Variants in GATA4 observed in about 807,000 individuals in gnomAD.
The protein encoded by GATA4 is GATA binding protein 4.
Under a neutral mutation model 37.9 loss-of-function variants are expected in GATA4, and 7 were observed. That is an observed-to-expected ratio of 0.18 (90% CI 0.11 to 0.35). The LOEUF (loss-of-function observed/expected upper bound fraction) is 0.35, where lower values mean the gene tolerates loss of function less well. Among genes scored for constraint, GATA4 ranks in the 10% least tolerant of loss-of-function variants. GATA4 has a pLI of 1.00. For missense variants in GATA4, 647 were observed against 653.0 expected, an observed-to-expected ratio of 0.99 and a Z score of 0.10; for synonymous variants, 372 against 292.6, an observed-to-expected ratio of 1.27 and a Z score of -2.77.
At chr8:11,739,528 C>A (rs960446052) in intron 2 of GATA4, among the ~76,000 whole-genome samples, 1 of 148,604 alleles carries the variant, frequency 6.7e-6, no homozygotes, top group Non-Finnish European at 1.5e-5. Flanking sequence ...TGTACACACA[C>A]ACACACGGAA....
chr8:11,700,115 G>A (rs917855954), upstream of GATA4, among the ~76,000 whole-genome samples: 1 of 152,146 alleles, frequency 6.6e-6, no homozygotes, highest in African/African-American at 2.4e-5. Flanking sequence ...CCTTCCTCTT[G>A]CTAATGATAT....
At position 11,709,847 on chromosome 8, in the gene GATA4, A is replaced by T. The variant is rs1040451654; in HGVS notation, c.616+919A>T. On this transcript the variant is annotated intron_variant, in intron 2 of 6. Transcript: ENST00000532059. This position sits in a 1 kb window ranked among gnomAD's most constrained non-coding sequence, Gnocchi z 4.3. ...GGGATCTGAGAAGGGGCCTGAGTAC[A>T]CGGGCCGGGGGAGAAAGGGAAGTGG... Among the ~76,000 whole-genome samples, 19 of 152,224 alleles carry T rather than the reference A, an allele frequency of 1.2e-4. No individual in the cohort carries two copies. Among genetic ancestry groups the T allele is most frequent in the Non-Finnish European group, 2.9e-5 (2 of 68,002 alleles).
At chr8:11,758,013 G>A (rs964524551) in intron 6 of GATA4, among the ~76,000 whole-genome samples, 1 of 152,192 alleles carries the variant, frequency 6.6e-6, no homozygotes, top group African/African-American at 2.4e-5. Flanking sequence ...AGTGTCTCCT[G>A]TAACCATCAG....
At chr8:11,695,519 A>G (rs540788332) in intron 1 of GATA4, among the ~76,000 whole-genome samples, 2 of 152,346 alleles carry the variant, frequency 1.3e-5, no homozygotes, top group Non-Finnish European at 2.9e-5. Context: ...TAGTCCATTC[A>G]GAAATACAGT....
upstream of GATA4, among the ~76,000 whole-genome samples, chr8:11,690,226 A>C (rs879306232): frequency 6.6e-6 from 1 of 152,208 alleles, no homozygotes; most frequent in African/African-American, 2.4e-5. Context: ...AGTGGAAGAG[A>C]CCATGGCGCC....
chr8:11,732,671 A>G (rs971142527), intron 2 of GATA4, among the ~76,000 whole-genome samples: 5 of 152,204 alleles, frequency 3.3e-5, no homozygotes, highest in Non-Finnish European at 5.9e-5. Context: ...ACGGAATTTG[A>G]GGAGGATGTG....
At position 11,704,846 on chromosome 8, in the gene GATA4, G is replaced by T. The variant is rs549726057; in HGVS notation, c.-458+542G>T. ...GCTGCTGAGTGGCGGAACTATTCAT[G>T]CCCTTTCTGGCCGGCCTCCTCGCCC... On this transcript the variant is annotated intron_variant, in intron 1 of 6. Transcript: ENST00000532059. Among the ~76,000 whole-genome samples the T allele has an allele frequency of 2.0e-5, 3 of 152,370 alleles. No homozygotes were observed. The East Asian group carries it at 5.8e-4, about 29-fold the overall frequency.
At chr8:11,743,967 G>A (rs541141275) in intron 2 of GATA4, among the ~76,000 whole-genome samples, 27 of 152,308 alleles carry the variant, frequency 1.8e-4, no homozygotes, top group Non-Finnish European at 3.4e-4. Flanking sequence ...AATTTATTTT[G>A]TGCTTTTCAT....
rs147849644 is a variant in GATA4, at chr8:11,746,764, C to T, written c.617-2152C>T. Among the ~76,000 whole-genome samples, 580 of 152,344 alleles carry T rather than the reference C, an allele frequency of 3.8e-3. 2 individuals carry two copies. Among genetic ancestry groups the T allele is most frequent in the African/African-American group, 0.013 (538 of 41,588 alleles). ...GGCGGGAGTGGCCGCATCTCATGGG[C>T]GGCTCTGAGGGCAGGCGACCTTGGT... On this transcript the variant is annotated intron_variant, in intron 2 of 6. Transcript: ENST00000532059.
At chr8:11,688,449 C>A (rs115927036), upstream of GATA4, among the ~76,000 whole-genome samples, 318 of 152,250 alleles carry the variant, frequency 2.1e-3, no homozygotes, top group African/African-American at 7.2e-3. Context: ...AAAGGATATT[C>A]CAGCCATCAA....
chr8:11,724,290 T>C (rs978812413), intron 2 of GATA4, among the ~76,000 whole-genome samples: 83 of 152,326 alleles, frequency 5.4e-4, no homozygotes, highest in African/African-American at 1.9e-3. Context: ...TGAACAAATA[T>C]CTATTCACCT....
chr8:11,722,471 C>G (rs531385917), intron 2 of GATA4, among the ~76,000 whole-genome samples: 2 of 152,360 alleles, frequency 1.3e-5, no homozygotes, highest in East Asian at 1.9e-4. Context: ...CCCAGTTTGT[C>G]TAATTGTCTT....
intron 1 of GATA4, among the ~76,000 whole-genome samples, chr8:11,679,220 C>G (rs1010417332): frequency 6.7e-6 from 1 of 149,730 alleles, no homozygotes; most frequent in African/African-American, 2.5e-5. Flanking sequence ...GATAAAAGAG[C>G]GACACAGGAG....
intron 2 of GATA4, among the ~76,000 whole-genome samples, chr8:11,716,436 C>A (rs999363860): frequency 6.6e-6 from 1 of 151,958 alleles, no homozygotes; most frequent in Non-Finnish European, 1.5e-5. Flanking sequence ...TGGGGGTTTT[C>A]CTTTATGCTC....
intron 1 of GATA4, chr8:11,680,657 G>C: frequency 5.1e-6 from 5 of 985,346 alleles, no homozygotes; most frequent in Non-Finnish European, 6.0e-6. Flanking sequence ...AACGTGTCTC[G>C]GGTCGCCCTT....
chr8:11,680,334 G>A (rs1050282108), intron 1 of GATA4, among the ~76,000 whole-genome samples: 1 of 152,230 alleles, frequency 6.6e-6, no homozygotes, highest in African/African-American at 2.4e-5. Context: ...GCGCGACAAC[G>A]GGCCCTGGAG....
chr8:11,738,180 CAA>C (rs35759534), intron 2 of GATA4, among the ~76,000 whole-genome samples: 29 of 82,436 alleles, frequency 3.5e-4, no homozygotes, highest in South Asian at 7.8e-4. Context: ...GACTCTGTCT[CAA>C]AAAAAAAAAA....
chr8:11,714,753 A>G (rs1800362903), intron 2 of GATA4, among the ~76,000 whole-genome samples: 1 of 152,180 alleles, frequency 6.6e-6, no homozygotes, highest in African/African-American at 2.4e-5. Flanking sequence ...ACAGTTCTAG[A>G]TAACGCTTTA....
intron 5 of GATA4, 92 bp from the exon 6 acceptor site, chr8:11,756,843 T>A (rs953708815): frequency 1.3e-6 from 2 of 1,550,278 alleles, no homozygotes; most frequent in Non-Finnish European, 1.8e-6. Context: ...ATAAAGCCAT[T>A]AGCTTGCACC....
Sources: allele counts gnomAD v4.1 joint callset (sites outside exome capture counted in the v4.1 genomes callset), GRCh38; gene constraint gnomAD v4.1.1; non-coding constraint Gnocchi (gnomAD v3.1); transcripts MANE v1.5; gene names NCBI Gene and HGNC (gene_info 2026-07-23, HGNC 2026-07-21).